The following FREM2 variants were observed in gnomAD, a reference collection of about 807,000 sequenced individuals.
The protein encoded by FREM2 is FRAS1-related extracellular matrix protein 2.
In FREM2, 119 loss-of-function variants were observed where a neutral mutation model predicts 219.9. The ratio of observed to expected loss-of-function variants is 0.54; its 90% CI spans 0.47 to 0.63. The LOEUF (loss-of-function observed/expected upper bound fraction) is 0.63. FREM2 is among the 30% of genes least tolerant of loss of function. The pLI, the probability that FREM2 is intolerant of heterozygous loss-of-function variation, is 0.00. For missense variants in FREM2, 4,030 were observed against 3,993.6 expected, an observed-to-expected ratio of 1.01 and a Z score of -0.25; for synonymous variants, 1,562 against 1,522.8, an observed-to-expected ratio of 1.03 and a Z score of -0.60.
chr13:38,783,685 T>C (rs967163678), intron 5 of FREM2, among the ~76,000 whole-genome samples: 2 of 152,144 alleles, frequency 1.3e-5, no homozygotes, highest in African/African-American at 4.8e-5. Flanking sequence ...AGGAAATAAG[T>C]AGATTTTCTA....
At position 38,690,610 on chromosome 13, in the gene FREM2, A is replaced by G. The variant is rs139471973; in HGVS notation, c.3266A>G (p.His1089Arg). ...EGDKSVITSV[H>R]ISAEDVDSLN... ...GATAAAAGTGTTATAACATCAGTGCATATAAGTGCTGAAGATGTCGACTCC... is the reference window on the plus strand; with the variant it reads ...GATAAAAGTGTTATAACATCAGTGCGTATAAGTGCTGAAGATGTCGACTCC... Residue 1089 changes from histidine to arginine, a missense_variant, in exon 1 of 24, where the codon CAT becomes CGT. This residue lies in a region of FREM2 where 3,102 missense variants were observed against 2,950.7 expected (regional missense o/e 1.05). Coordinates refer to ENST00000280481, the MANE Select transcript of FREM2 (RefSeq NM_207361.6). 6.2e-7 allele frequency: 1 copy of G among 1,613,892 alleles called. No individual in the cohort carries two copies. Among genetic ancestry groups the G allele is most frequent in the African/African-American group, 1.3e-5 (1 of 74,942 alleles).
chr13:38,701,546 G>A (rs2138083629), intron 2 of FREM2, among the ~76,000 whole-genome samples: 1 of 152,102 alleles, frequency 6.6e-6, no homozygotes, highest in African/African-American at 2.4e-5. Flanking sequence ...CCTCTTTGTA[G>A]TCAAACATTT....
chr13:38,851,514 A>C (rs1309821652), intron 10 of FREM2, among the ~76,000 whole-genome samples, 172 bp from the exon 11 acceptor site: 1 of 152,184 alleles, frequency 6.6e-6, no homozygotes, highest in East Asian at 1.9e-4. Context: ...GCTGGACAAC[A>C]TATGCCAGCT....
intron 16 of FREM2, 26 bp from the exon 17 acceptor site, chr13:38,872,716 T>G (rs1225380181): frequency 6.2e-7 from 1 of 1,603,132 alleles, no homozygotes; most frequent in Non-Finnish European, 8.5e-7. Flanking sequence ...TGAGTCATGT[T>G]GATTGATGTA....
rs376268607 is a variant in FREM2 at position 38,692,398 on chromosome 13, A to G, written c.5054A>G (p.Lys1685Arg). The change falls in exon 1 of 24, where the codon AAA becomes AGA. Residue 1685 changes from lysine to arginine, a missense_variant. By Grantham distance (26) the Lys-to-Arg change is conservative (BLOSUM62 2). Coordinates refer to ENST00000280481, the MANE Select transcript of FREM2 (RefSeq NM_207361.6). ...TTCATGATCACAAGCAAAATATTGA[A>G]AGTGGAGGACAGAGACAGCTTACAC... ...LGFMITSKIL[K>R]VEDRDSLHIS... 4 of 1,610,458 alleles carry G rather than the reference A, an allele frequency of 2.5e-6. No homozygotes were observed. The African/African-American group carries it at 5.4e-5, about 22-fold the overall frequency.
intron 6 of FREM2, among the ~76,000 whole-genome samples, chr13:38,824,076 G>C (rs181058964): frequency 6.6e-6 from 1 of 152,188 alleles, no homozygotes; most frequent in African/African-American, 2.4e-5. Flanking sequence ...TCAAGTGAAA[G>C]GAAGAAAGAA....
intron 6 of FREM2, among the ~76,000 whole-genome samples, chr13:38,809,176 A>T (rs911963117): frequency 6.7e-6 from 1 of 148,806 alleles, no homozygotes; most frequent in African/African-American, 2.5e-5. Flanking sequence ...TATTTTTTAT[A>T]CTCTCAGTAG....
chr13:38,746,848 GGAA>G (rs1158005843), intron 2 of FREM2, among the ~76,000 whole-genome samples: 1 of 152,106 alleles, frequency 6.6e-6, no homozygotes, highest in East Asian at 1.9e-4. Flanking sequence ...ATGAAGGTGT[GGAA>G]GAAGATTTTA....
intron 1 of FREM2, among the ~76,000 whole-genome samples, chr13:38,695,657 G>C (rs1870078943): frequency 6.6e-6 from 1 of 152,086 alleles, no homozygotes; most frequent in Non-Finnish European, 1.5e-5. Context: ...TGGTTCTTGT[G>C]GTAAAGATGT....
chr13:38,859,561 G>A lies in FREM2; in HGVS notation c.7490G>A (p.Ser2497Asn). Residue 2497 changes from serine (S) to asparagine (N), a missense_variant, in exon 14 of 24, where the codon AGC (serine) becomes AAC (asparagine). By Grantham distance (46) the Ser-to-Asn change is conservative (BLOSUM62 1). This residue lies in a region of FREM2 where 928 missense variants were observed against 1,042.9 expected (regional missense o/e 0.89). Coordinates refer to ENST00000280481, the MANE Select transcript of FREM2 (RefSeq NM_207361.6). ...TNGDEGLELM[S>N]PIVTISREEG... The stretch of plus-strand genomic sequence containing the variant: ...GGGGATGAAGGCCTGGAGCTCATGA[G>A]CCCTATTGTAACCATCAGCAGAGAA... 3.1e-6 allele frequency: 5 copies of A among 1,614,018 alleles called. No homozygotes were observed. The highest frequency in any genetic ancestry group is 4.2e-6 in the Non-Finnish European group (5 of 1,180,000).
chr13:38,868,056 A>G (rs9532294), intron 16 of FREM2, among the ~76,000 whole-genome samples: 14,150 of 152,214 alleles, frequency 0.093, 987 homozygotes, highest in Admixed American at 0.21. Flanking sequence ...ATTTTCTTCT[A>G]CCTTCTTCAC....
At chr13:38,856,040 C>T in intron 11 of FREM2, 86 bp from the exon 12 acceptor site, 3 of 882,732 alleles carry the variant, frequency 3.4e-6, no homozygotes, top group South Asian at 1.5e-5. Context: ...CATTGTAGGC[C>T]ACAGTAAAAA....
At chr13:38,755,847 A>T (rs763020088) in intron 2 of FREM2, among the ~76,000 whole-genome samples, 2 of 152,198 alleles carry the variant, frequency 1.3e-5, no homozygotes, top group Non-Finnish European at 2.9e-5. Flanking sequence ...CATTCCATGC[A>T]TATCACTTTC....
chr13:38,833,914 A>G (rs1566159411), intron 6 of FREM2, among the ~76,000 whole-genome samples: 1 of 152,106 alleles, frequency 6.6e-6, no homozygotes, highest in Non-Finnish European at 1.5e-5. Flanking sequence ...TTTTTAGTCC[A>G]TAGAGATGTT....
chr13:38,807,961 GCTT>G (rs142468553), intron 6 of FREM2, among the ~76,000 whole-genome samples: 3,563 of 151,974 alleles, frequency 0.023, 145 homozygotes, highest in African/African-American at 0.082. Flanking sequence ...GTCCTAGATG[GCTT>G]CTTCTTCAAA....
intron 6 of FREM2, among the ~76,000 whole-genome samples, chr13:38,844,817 C>T (rs567018488): frequency 3.2e-4 from 48 of 152,300 alleles, no homozygotes; most frequent in Middle Eastern, 3.4e-3. Flanking sequence ...TTACGGAAGC[C>T]TTTTAAAAGA....
At chr13:38,763,391 C>A (rs1383637637) in intron 2 of FREM2, among the ~76,000 whole-genome samples, 1 of 141,818 alleles carries the variant, frequency 7.1e-6, no homozygotes, top group African/African-American at 2.6e-5. Flanking sequence ...TCTTTCATTT[C>A]TTTTTCTATG....
At chr13:38,779,101 G>A (rs2483421) in intron 4 of FREM2, among the ~76,000 whole-genome samples, 15,933 of 151,834 alleles carry the variant, frequency 0.1, 853 homozygotes, top group African/African-American at 0.13. Flanking sequence ...AAAATAAACC[G>A]GCATTCTCAG....
At chr13:38,799,281 C>CT (rs1182151381) in intron 6 of FREM2, among the ~76,000 whole-genome samples, 1 of 151,670 alleles carries the variant, frequency 6.6e-6, no homozygotes, top group East Asian at 1.9e-4. Flanking sequence ...TCCAAAGTCC[C>CT]TTTTTTGTTG....
Sources: gnomAD v4.1 joint callset for allele counts (sites outside exome capture counted in the v4.1 genomes callset) on GRCh38, gnomAD v4.1.1 for gene constraint, gnomAD v4.1.1 regional missense constraint, MANE v1.5 for transcripts, NCBI Gene and HGNC (gene_info 2026-07-23, HGNC 2026-07-21) for gene names.